The following SLC41A2 variants were observed in gnomAD, a reference collection of about 807,000 sequenced individuals.
The protein encoded by SLC41A2 is SLC41A1-like 1.
Under a neutral mutation model 58.3 loss-of-function variants are expected in SLC41A2, and 32 were observed. The observed-to-expected ratio is 0.55, with a 90% CI of 0.41 to 0.74. SLC41A2 has a LOEUF of 0.74. Ranked by LOEUF, SLC41A2 falls within the 30% of genes least tolerant of loss-of-function variation. The pLI, the probability that SLC41A2 is intolerant of heterozygous loss-of-function variation, is 0.00. For missense variants in SLC41A2, 514 were observed against 680.6 expected, an observed-to-expected ratio of 0.76 and a Z score of 2.72; for synonymous variants, 190 against 235.0, an observed-to-expected ratio of 0.81 and a Z score of 1.75.
rs1555202618 is a variant in SLC41A2 at position 104,854,572 on chromosome 12, A to AAAC, written c.1255+6718_1255+6719insGTT. On this transcript the variant is annotated intron_variant, in intron 8 of 10. Transcript: ENST00000258538. Reference sequence around the variant, plus strand: ...AGCCAGACTCCGTCTCAAAAAAACAAAAAAAAAAAAACACCGCCTTAGATC... The same window carrying AAAC: ...AGCCAGACTCCGTCTCAAAAAAACAAAACAAAAAAAAAAACACCGCCTTAGATC... 4.1e-5 allele frequency among the ~76,000 whole-genome samples: 6 copies of AAAC among 147,866 alleles called. No individual in the cohort carries two copies. The South Asian group carries it at 1.1e-3, about 26-fold the overall frequency.
At chr12:104,817,332 C>T (rs2041452479) in intron 10 of SLC41A2, among the ~76,000 whole-genome samples, 2 of 152,116 alleles carry the variant, frequency 1.3e-5, no homozygotes, top group South Asian at 4.1e-4. Context: ...ATGTGAAGGC[C>T]TGGGACATTA....
At chr12:104,895,247 C>A in intron 4 of SLC41A2, 27 bp downstream of exon 4, 1 of 1,569,986 alleles carries the variant, frequency 6.4e-7, no homozygotes, top group Non-Finnish European at 8.8e-7. Flanking sequence ...CACCCAAGAT[C>A]TGTAAACAAA....
intron 2 of SLC41A2, among the ~76,000 whole-genome samples, chr12:104,910,146 T>C (rs1195810823): frequency 2.6e-5 from 4 of 152,180 alleles, no homozygotes; most frequent in Admixed American, 1.3e-4. Context: ...CCAATACTAA[T>C]TAAAACAAAC....
At chr12:104,918,397 C>CT (rs1166012896) in intron 2 of SLC41A2, among the ~76,000 whole-genome samples, 1 of 152,036 alleles carries the variant, frequency 6.6e-6, no homozygotes, top group Non-Finnish European at 1.5e-5. Context: ...TTAAAATCCC[C>CT]TTCATAAGGT....
At chr12:104,938,993 G>C (rs1046585765) in intron 1 of SLC41A2, among the ~76,000 whole-genome samples, 12 of 152,078 alleles carry the variant, frequency 7.9e-5, no homozygotes, top group African/African-American at 2.9e-4. Flanking sequence ...TAAAAAATAA[G>C]TATACATTTT....
At chr12:104,830,793 A>G (rs2642121) in intron 10 of SLC41A2, among the ~76,000 whole-genome samples, 97,433 of 152,060 alleles carry the variant, frequency 0.64, 31,729 homozygotes, top group African/African-American at 0.73. Flanking sequence ...TCACCTACCC[A>G]TTAGTTTTCA....
intron 6 of SLC41A2, among the ~76,000 whole-genome samples, chr12:104,868,713 A>C (rs909635979): frequency 6.6e-6 from 1 of 152,218 alleles, no homozygotes; most frequent in Non-Finnish European, 1.5e-5. Flanking sequence ...AATGTTCATC[A>C]AATGGTGAAT....
chr12:104,957,928 C>T (rs889852854), intron 1 of SLC41A2, among the ~76,000 whole-genome samples, 160 bp downstream of exon 1: 1 of 151,934 alleles, frequency 6.6e-6, no homozygotes, highest in African/African-American at 2.4e-5. Flanking sequence ...GAGAGGCGTC[C>T]GCAGGGGGCA....
chr12:104,918,708 C>CG lies in SLC41A2; in HGVS notation c.556-8947_556-8946insC, dbSNP rs777344907. On this transcript the variant is annotated intron_variant, in intron 2 of 10. Transcript: ENST00000258538. ...AAGGGTGCATACAGCAGAGGACAGA[C>CG]TTTTTTCTCCATCACTTACTCTTTC... is the stretch of plus-strand genomic sequence containing the variant. Among the ~76,000 whole-genome samples the CG allele has an allele frequency of 1.6e-3, 243 of 150,378 alleles. 5 individuals are homozygous for CG. The highest frequency in any genetic ancestry group is 2.3e-3 in the Non-Finnish European group (156 of 67,774).
rs777527440 is a variant in SLC41A2, at chr12:104,866,388, A to G, written c.1175+44T>C. The G allele has an allele frequency of 1.5e-3, 635 of 411,920 alleles. No individual in the cohort carries two copies. In the African/African-American group the frequency reaches 0.026, roughly 17 times the overall value. The allele number at this position is 411,920 out of a possible 1,614,324, so 25.5% of individuals were successfully genotyped here. The stretch of plus-strand genomic sequence containing the variant: ...CACAAAGACAGACAGACGTACACAC[A>G]CACACACACACACACACACACACAC... On this transcript the variant is annotated intron_variant, in intron 7 of 10. Transcript: ENST00000258538.
Position 104,861,326 on chromosome 12 carries a change from A to G in SLC41A2, c.1220T>C (p.Leu407Ser), listed in dbSNP as rs2043204244. 6.2e-7 allele frequency: 1 copy of G among 1,613,434 alleles called. No homozygotes were observed. The highest frequency in any genetic ancestry group is 1.1e-5 in the South Asian group (1 of 91,060). Reference protein sequence around the residue: ...ILDTTVSDPNLVGIVVYTPVI... With the variant: ...ILDTTVSDPNSVGIVVYTPVI... ...TGGCGTGTAAACAACAATCCCAACC[A>G]AGTTTGGGTCTGATACAGTTGTGTC... The change falls in exon 8 of 11, where the codon TTG (leucine) becomes TCG (serine). Residue 407 changes from leucine to serine, a missense_variant. Physicochemically the swap from Leu to Ser is moderately radical, Grantham distance 145. Transcript: ENST00000258538.
At chr12:104,834,323 T>A in intron 10 of SLC41A2, 1 of 322,512 alleles carries the variant, frequency 3.1e-6, no homozygotes, top group Non-Finnish European at 4.5e-6. Flanking sequence ...TCACCTGCTT[T>A]AACTTCCTAT....
intron 10 of SLC41A2, among the ~76,000 whole-genome samples, chr12:104,821,629 A>G (rs1799885416): frequency 6.6e-6 from 1 of 152,242 alleles, no homozygotes; most frequent in South Asian, 2.1e-4. Flanking sequence ...AGTATGATTC[A>G]ATTTTCTAAA....
Position 104,882,093 on chromosome 12 carries a change from T to G in SLC41A2, c.1027+4200A>C, listed in dbSNP as rs375085909. On this transcript the variant is annotated intron_variant, in intron 6 of 10. Coordinates refer to ENST00000258538, the MANE Select transcript of SLC41A2 (RefSeq NM_001352171.3). ...AATGGCTTTCTTTGTCTCTTTTGATTTTTGTTGGTTTAAAGTCTGTTTTAT... is the reference window on the plus strand; with the variant it reads ...AATGGCTTTCTTTGTCTCTTTTGATGTTTGTTGGTTTAAAGTCTGTTTTAT... Among the ~76,000 whole-genome samples, 4 of 152,148 alleles carry G rather than the reference T, an allele frequency of 2.6e-5. No homozygotes were observed. In the East Asian group the frequency reaches 7.7e-4, roughly 29 times the overall value.
chr12:104,835,009 C>T (rs2042159168), intron 10 of SLC41A2, among the ~76,000 whole-genome samples: 1 of 152,196 alleles, frequency 6.6e-6, no homozygotes, highest in Non-Finnish European at 1.5e-5. Flanking sequence ...CTGATTGCTC[C>T]ACTGCCACCC....
intron 6 of SLC41A2, among the ~76,000 whole-genome samples, chr12:104,879,920 C>T (rs1435319693): frequency 6.6e-6 from 1 of 152,082 alleles, no homozygotes; most frequent in Admixed American, 6.5e-5. Context: ...AATGTTCTTC[C>T]ATTTCTTTGT....
chr12:104,888,493 A>G (rs993385826), intron 5 of SLC41A2, among the ~76,000 whole-genome samples: 1 of 152,136 alleles, frequency 6.6e-6, no homozygotes, highest in Non-Finnish European at 1.5e-5. Flanking sequence ...CCCAAATAAA[A>G]GTTCTAAAGT....
chr12:104,849,754 A>G (rs970204511), intron 8 of SLC41A2, among the ~76,000 whole-genome samples: 4 of 152,158 alleles, frequency 2.6e-5, no homozygotes, highest in African/African-American at 7.2e-5. Flanking sequence ...CTTGAGCCCA[A>G]GAGATTGAGG....
intron 6 of SLC41A2, among the ~76,000 whole-genome samples, chr12:104,881,804 G>A (rs2044384070): frequency 6.6e-6 from 1 of 152,210 alleles, no homozygotes; most frequent in African/African-American, 2.4e-5. Context: ...GATTTGGGGT[G>A]GAGAGGTCTG....
Sources: allele counts gnomAD v4.1 joint callset (sites outside exome capture counted in the v4.1 genomes callset), GRCh38; gene constraint gnomAD v4.1.1; transcripts MANE v1.5; gene names NCBI Gene and HGNC (gene_info 2026-07-23, HGNC 2026-07-21).